Variants in MALRD1 observed in about 807,000 individuals in gnomAD.
MALRD1 encodes the protein MAM and LDL receptor class A domain containing 1, also known as MAM and LDL-receptor class A domain-containing protein 1.
Under a neutral mutation model 242.1 loss-of-function variants are expected in MALRD1, and 247 were observed. The ratio of observed to expected loss-of-function variants is 1.02; its 90% CI spans 0.92 to 1.13. The LOEUF (loss-of-function observed/expected upper bound fraction) is 1.13. Among genes scored for constraint, MALRD1 ranks in the 50% most tolerant of loss-of-function variants. The pLI, the probability that MALRD1 is intolerant of heterozygous loss-of-function variation, is 0.00. For missense variants in MALRD1, 2,989 were observed against 2,533.1 expected, an observed-to-expected ratio of 1.18 and a Z score of -3.86; for synonymous variants, 995 against 866.6, an observed-to-expected ratio of 1.15 and a Z score of -2.60.
At chr10:19,170,033 T>C (rs574117876) in intron 13 of MALRD1, among the ~76,000 whole-genome samples, 1 of 152,326 alleles carries the variant, frequency 6.6e-6, no homozygotes, top group East Asian at 1.9e-4. Context: ...TATAACAGAA[T>C]ACAAATTGCT....
intron 1 of MALRD1, among the ~76,000 whole-genome samples, chr10:19,057,185 T>A (rs1327783779): frequency 6.6e-6 from 1 of 152,194 alleles, no homozygotes; most frequent in East Asian, 1.9e-4. Context: ...GCTGGTCTCA[T>A]AAAATGACTT....
intron 34 of MALRD1, among the ~76,000 whole-genome samples, chr10:19,601,150 G>C (rs1192174251): frequency 1.3e-5 from 2 of 151,872 alleles, no homozygotes; most frequent in Non-Finnish European, 1.5e-5. Flanking sequence ...TCAAAGTTTT[G>C]GGCTTACAGG....
At chr10:19,515,092 A>G (rs1213956160) in intron 31 of MALRD1, among the ~76,000 whole-genome samples, 2 of 151,884 alleles carry the variant, frequency 1.3e-5, no homozygotes, top group Non-Finnish European at 2.9e-5. Context: ...AAAAAAAAAA[A>G]TCTTTTTTAC....
intron 18 of MALRD1, among the ~76,000 whole-genome samples, chr10:19,233,691 A>G (rs1838179664): frequency 6.6e-6 from 1 of 152,282 alleles, no homozygotes; most frequent in East Asian, 1.9e-4. Flanking sequence ...TTTATGTTTA[A>G]TACAAAGCAT....
At chr10:19,310,167 G>C (rs1040887697) in intron 21 of MALRD1, among the ~76,000 whole-genome samples, 3 of 151,400 alleles carry the variant, frequency 2.0e-5, no homozygotes, top group Non-Finnish European at 4.4e-5. Context: ...GGACTATTTT[G>C]CAAAGAGTAG....
chr10:19,728,231 C>T (rs1206270359), intron 38 of MALRD1, among the ~76,000 whole-genome samples: 1 of 152,200 alleles, frequency 6.6e-6, no homozygotes, highest in Non-Finnish European at 1.5e-5. Flanking sequence ...TACAACTCCA[C>T]ATCCTTACTC....
intron 36 of MALRD1, among the ~76,000 whole-genome samples, chr10:19,673,138 T>G (rs1841997559): frequency 6.6e-6 from 1 of 152,080 alleles, no homozygotes; most frequent in Non-Finnish European, 1.5e-5. Context: ...ATCCCAGCAC[T>G]TTGGGAGGCT....
At chr10:19,146,380 C>A (rs1373033117) in intron 11 of MALRD1, 36 bp downstream of exon 11, 1 of 1,216,186 alleles carries the variant, frequency 8.2e-7, no homozygotes, top group African/African-American at 1.6e-5. Flanking sequence ...AAATAGTTTT[C>A]TTTCTTGCAT....
intron 29 of MALRD1, among the ~76,000 whole-genome samples, chr10:19,474,104 G>A (rs1331062266): frequency 1.1e-5 from 1 of 95,140 alleles, no homozygotes; most frequent in Non-Finnish European, 2.0e-5. Flanking sequence ...ATCGTTTCAT[G>A]TGCTTATTGG....
chr10:19,546,434 CTGT>C (rs1835210241), intron 32 of MALRD1, among the ~76,000 whole-genome samples: 1 of 152,186 alleles, frequency 6.6e-6, no homozygotes, highest in Non-Finnish European at 1.5e-5. Flanking sequence ...TTGGAAACTC[CTGT>C]GTCAGAGCTC....
rs565114924 is a variant in MALRD1, at chr10:19,403,319, T to G, written c.4845+13710T>G. 4.9e-4 allele frequency among the ~76,000 whole-genome samples: 74 copies of G among 152,308 alleles called. 1 individual carries two copies. The highest frequency in any genetic ancestry group is 2.9e-5 in the Non-Finnish European group (2 of 68,026). On this transcript the variant is annotated intron_variant, in intron 28 of 39. Coordinates refer to ENST00000454679, the MANE Select transcript of MALRD1 (RefSeq NM_001142308.3). The stretch of plus-strand genomic sequence containing the variant: ...TAGACCATCTGGTTATGAATTTACT[T>G]TATGAATTAGACCATATGTATTAGG...
chr10:19,379,187 T>C (rs1461380981), intron 26 of MALRD1, among the ~76,000 whole-genome samples: 1 of 152,094 alleles, frequency 6.6e-6, no homozygotes, highest in Non-Finnish European at 1.5e-5. Context: ...TGTCTTATTT[T>C]TATTTATTTA....
chr10:19,474,562 T>G (rs1486417957), intron 29 of MALRD1, among the ~76,000 whole-genome samples: 1 of 152,136 alleles, frequency 6.6e-6, no homozygotes, highest in Admixed American at 6.5e-5. Context: ...ACTAATGTTG[T>G]TCCCTGGTGT....
At chr10:19,415,007 T>C (rs1474714331) in intron 28 of MALRD1, among the ~76,000 whole-genome samples, 1 of 152,152 alleles carries the variant, frequency 6.6e-6, no homozygotes, top group African/African-American at 2.4e-5. Context: ...TCTGTAGAAA[T>C]AATATTGTCA....
intron 33 of MALRD1, among the ~76,000 whole-genome samples, chr10:19,581,285 T>C (rs1168377925): frequency 6.6e-6 from 1 of 151,606 alleles, no homozygotes; most frequent in Non-Finnish European, 1.5e-5. Context: ...TAGTTACATA[T>C]GTATACATGT....
chr10:19,085,070 C>T (rs1835622774), intron 2 of MALRD1, among the ~76,000 whole-genome samples: 1 of 151,786 alleles, frequency 6.6e-6, no homozygotes, highest in Admixed American at 6.6e-5. Flanking sequence ...ATGTGTATTA[C>T]TAGGCTGCTA....
At chr10:19,463,357 C>T (rs1457398690) in intron 29 of MALRD1, among the ~76,000 whole-genome samples, 4 of 119,282 alleles carry the variant, frequency 3.4e-5, no homozygotes, top group Admixed American at 9.4e-5. Flanking sequence ...CCTCAAAGTC[C>T]ATTGTATCAT....
intron 33 of MALRD1, among the ~76,000 whole-genome samples, chr10:19,578,924 G>A (rs1224365648): frequency 1.3e-5 from 2 of 151,722 alleles, no homozygotes; most frequent in East Asian, 1.9e-4. Context: ...CCAAGAACAC[G>A]TGTTATATAA....
intron 13 of MALRD1, among the ~76,000 whole-genome samples, chr10:19,166,555 A>G (rs958799572): frequency 6.6e-6 from 1 of 152,202 alleles, no homozygotes; most frequent in Non-Finnish European, 1.5e-5. Context: ...GTGTATTTCA[A>G]AATATTTAGG....
Sources: gnomAD v4.1 joint callset for allele counts (sites outside exome capture counted in the v4.1 genomes callset) on GRCh38, gnomAD v4.1.1 for gene constraint, MANE v1.5 for transcripts, NCBI Gene and HGNC (gene_info 2026-07-23, HGNC 2026-07-21) for gene names.